SLC12A5: variants seen among roughly 807,000 people sequenced by gnomAD.
SLC12A5 encodes the protein solute carrier family 12 member 5.
A neutral mutation model predicts 124.0 loss-of-function variants in SLC12A5; 18 were observed. That is an observed-to-expected ratio of 0.15 (90% CI 0.10 to 0.22). The LOEUF (loss-of-function observed/expected upper bound fraction) is 0.22. SLC12A5 is among the 10% of genes least tolerant of loss of function. The probability of loss-of-function intolerance (pLI) is 1.00; values close to 1 mark genes in which losing one functional copy is unlikely to be tolerated. For missense variants in SLC12A5, 867 were observed against 1,478.7 expected, an observed-to-expected ratio of 0.59 and a Z score of 6.78; for synonymous variants, 589 against 568.0, an observed-to-expected ratio of 1.04 and a Z score of -0.53.
chr20:46,047,725 T>G (rs1245034481), intron 15 of SLC12A5, 152 bp downstream of exon 15: 2 of 993,370 alleles, frequency 2.0e-6, no homozygotes, highest in East Asian at 5.2e-5. Flanking sequence ...GAGGGTGATA[T>G]GGGATGACAT....
In SLC12A5 at chr20:46,049,673, C is replaced by A; in HGVS notation, c.2064C>A (p.His688Gln). Residue 688 changes from histidine to glutamine, a missense_variant, in exon 17 of 26, where the codon CAC (histidine) becomes CAA (glutamine). Physicochemically the swap from His to Gln is conservative, Grantham distance 24 (BLOSUM62 0). Coordinates refer to ENST00000243964, the MANE Select transcript of SLC12A5 (RefSeq NM_020708.5). Reference sequence around the variant, plus strand: ...TGGACCAAGACCAGAATGTGGTGCACCCCCAGCTGCTCTCACTGACCTCCC... The same window carrying A: ...TGGACCAAGACCAGAATGTGGTGCAACCCCAGCTGCTCTCACTGACCTCCC... ...VRVDQDQNVV[H>Q]PQLLSLTSQL... 1 of 1,605,916 alleles carries A rather than the reference C, an allele frequency of 6.2e-7. No individual in the cohort carries two copies. Among genetic ancestry groups the A allele is most frequent in the South Asian group, 1.1e-5 (1 of 89,054 alleles).
At position 46,059,660 on chromosome 20, in the gene SLC12A5, CAA is replaced by C. The variant is rs984192887; in HGVS notation, c.*2056_*2057del. 5.0e-5 allele frequency: 20 copies of C among 399,048 alleles called. No homozygotes were observed. The highest frequency in any genetic ancestry group is 2.3e-4 in the African/African-American group (11 of 48,746). 24.7% of individuals were successfully genotyped at this position (399,048 alleles called of 1,614,324 possible). A position where few individuals can be genotyped will look rare whatever the true frequency, so the allele number is the denominator to read the frequency against. On this transcript the variant is annotated 3_prime_UTR_variant, in exon 26 of 26. Transcript: ENST00000243964. ...AAACAGACATCCCACAACAAAAACC[CAA>C]GTTTTCTGTGCTACATGTGCAATAT...
chr20:46,056,017 A>T lies in SLC12A5; in HGVS notation c.2788-133A>T. 2 of 1,295,844 alleles carry T rather than the reference A, an allele frequency of 1.5e-6. No individual in the cohort carries two copies. Among genetic ancestry groups the T allele is most frequent in the Non-Finnish European group, 2.1e-6 (2 of 948,274 alleles). 80.3% of individuals were successfully genotyped at this position (1,295,844 alleles called of 1,614,324 possible). On this transcript the variant is annotated intron_variant, in intron 21 of 25. Coordinates refer to ENST00000243964, the MANE Select transcript of SLC12A5 (RefSeq NM_020708.5). This position sits in a 1 kb window ranked among gnomAD's most constrained non-coding sequence, Gnocchi z 4.3. ...TGCAGTAGCTATTTGGTCTCAAATC[A>T]TAGCAATATTTTAACAACTGGTACA...
Position 46,058,568 on chromosome 20 carries a change from G to A in SLC12A5, c.*963G>A. The A allele has an allele frequency of 2.5e-6, 1 of 399,182 alleles. No individual in the cohort carries two copies. The highest frequency in any genetic ancestry group is 4.4e-6 in the Non-Finnish European group (1 of 226,190). 24.7% of individuals were successfully genotyped at this position (399,182 alleles called of 1,614,324 possible). Reference sequence around the variant, plus strand: ...GCTCCTCAAGAGGAAGAAACCGAGAGGCCCGCGCCCCACCGAGGAAGCCCC... The same window carrying A: ...GCTCCTCAAGAGGAAGAAACCGAGAAGCCCGCGCCCCACCGAGGAAGCCCC... On this transcript the variant is annotated 3_prime_UTR_variant, in exon 26 of 26. Transcript: ENST00000243964. This position sits in a 1 kb window ranked among gnomAD's most constrained non-coding sequence, Gnocchi z 5.8.
At chr20:46,040,856 A>G in intron 7 of SLC12A5, 1 of 583,174 alleles carries the variant, frequency 1.7e-6, no homozygotes, top group Non-Finnish European at 2.9e-6. Flanking sequence ...GGTAGGGTGG[A>G]CTTAGGAAGA....
In SLC12A5 at chr20:46,046,452, C is replaced by T; in HGVS notation, c.1787+16C>T. ...ATTACCACTGGTGGGTGCTCTGTCC[C>T]CACACTTCCACTGAGCCACTTGCTC... On this transcript the variant is annotated intron_variant, in intron 14 of 25. Coordinates refer to ENST00000243964, the MANE Select transcript of SLC12A5 (RefSeq NM_020708.5). 6.2e-7 allele frequency: 1 copy of T among 1,608,770 alleles called. No homozygotes were observed. The highest frequency in any genetic ancestry group is 8.5e-7 in the Non-Finnish European group (1 of 1,175,248).
intron 4 of SLC12A5, 92 bp from the exon 5 acceptor site, chr20:46,036,649 G>A: frequency 7.3e-7 from 1 of 1,362,792 alleles, no homozygotes; most frequent in South Asian, 1.2e-5. Flanking sequence ...CTGTGGGTTT[G>A]GCTGGTGTTT....
At chr20:46,025,581 G>A (rs971728279), upstream of SLC12A5, among the ~76,000 whole-genome samples, 6 of 152,118 alleles carry the variant, frequency 3.9e-5, no homozygotes, top group African/African-American at 7.2e-5. Flanking sequence ...AAAGGGGTCC[G>A]GATTGGGAAA....
At chr20:46,049,988 C>T (rs2084634046) in intron 17 of SLC12A5, among the ~76,000 whole-genome samples, 198 bp downstream of exon 17, 1 of 152,252 alleles carries the variant, frequency 6.6e-6, no homozygotes, top group South Asian at 2.1e-4. Flanking sequence ...GAAAGACCAT[C>T]AGAGGCAGAA....
At chr20:46,022,595 G>T in intron 1 of SLC12A5, 1 of 375,330 alleles carries the variant, frequency 2.7e-6, no homozygotes, top group East Asian at 3.8e-5. Context: ...ATGGATCCTG[G>T]GCAGCGAGAT....
At chr20:46,025,551 C>CG (rs1167792924), upstream of SLC12A5, among the ~76,000 whole-genome samples, 34 of 151,868 alleles carry the variant, frequency 2.2e-4, no homozygotes, top group Non-Finnish European at 1.5e-5. Flanking sequence ...GGGTGGGGAT[C>CG]GGGGGGTGAG....
intron 18 of SLC12A5, among the ~76,000 whole-genome samples, chr20:46,052,566 G>GCT (rs1429591784): frequency 6.6e-6 from 1 of 152,252 alleles, no homozygotes; most frequent in African/African-American, 2.4e-5. Flanking sequence ...AAAGTGGGGA[G>GCT]CCAGGTTTTG....
At chr20:46,023,375 C>A (rs1294201137) in exon 3 of SLC12A5, 2 of 398,484 alleles carry the variant, frequency 5.0e-6, no homozygotes, top group East Asian at 7.1e-5. Flanking sequence ...CCAGCAAATC[C>A]AACTGATCCC....
upstream of SLC12A5, among the ~76,000 whole-genome samples, chr20:46,028,825 C>G (rs1198448957): frequency 6.6e-6 from 1 of 152,178 alleles, no homozygotes; most frequent in African/African-American, 2.4e-5. Context: ...GTCAAGCAGC[C>G]GCTGCGGGGC....
chr20:46,056,361 T>A lies in SLC12A5; in HGVS notation c.2911-4T>A. 2 of 1,609,592 alleles carry A rather than the reference T, an allele frequency of 1.2e-6. No homozygotes were observed. Among genetic ancestry groups the A allele is most frequent in the Non-Finnish European group, 1.7e-6 (2 of 1,177,462 alleles). ...CAACTGCCATCGCTTCATTCATCCC[T>A]CAGGTGCAGCTGATCCACGATCAGA... On this transcript the variant is annotated splice_region_variant and splice_polypyrimidine_tract_variant and intron_variant, in intron 22 of 25. Transcript: ENST00000243964. The surrounding 1 kb of genome is among the most constrained non-coding windows in gnomAD (Gnocchi z 4.3).
At chr20:46,052,664 G>A (rs2084656286) in intron 18 of SLC12A5, among the ~76,000 whole-genome samples, 3 of 152,242 alleles carry the variant, frequency 2.0e-5, no homozygotes, top group Admixed American at 2.0e-4. Context: ...GGAGGATTCA[G>A]TGTGGTCATA....
rs2084706784 is a variant in SLC12A5, at chr20:46,057,442, T to C, written c.3260-72T>C. 3.1e-6 allele frequency: 5 copies of C among 1,602,694 alleles called. No individual in the cohort carries two copies. In the South Asian group the frequency reaches 3.3e-5, roughly 11 times the overall value. On this transcript the variant is annotated intron_variant, in intron 25 of 25. Transcript: ENST00000243964. The surrounding 1 kb of genome is among the most constrained non-coding windows in gnomAD (Gnocchi z 7.1). ...AGGGACACGGGCGCGAGAGGTCCCC[T>C]GGCAGCCGAGCGCGACCCCAATTTC... is the stretch of plus-strand genomic sequence containing the variant.
rs551631701 is a variant in SLC12A5, at chr20:46,045,861, G to A, written c.1570-17G>A. On this transcript the variant is annotated splice_polypyrimidine_tract_variant and intron_variant, in intron 12 of 25. Transcript: ENST00000243964. This position sits in a 1 kb window ranked among gnomAD's most constrained non-coding sequence, Gnocchi z 4.9. ...ATCCTTGAGGTCTCAGTCCCATGAT[G>A]ATTGCTCTTTCCCCAGGTCTTTGGC... 2 of 1,609,990 alleles carry A rather than the reference G, an allele frequency of 1.2e-6. No homozygotes were observed. The highest frequency in any genetic ancestry group is 3.3e-5 in the Admixed American group (2 of 59,974).
intron 4 of SLC12A5, 72 bp downstream of exon 4, chr20:46,035,995 G>A: frequency 6.6e-7 from 1 of 1,526,212 alleles, no homozygotes; most frequent in Admixed American, 2.0e-5. Context: ...TGGGAGGTGG[G>A]AGGATGGAAG....
Sources: gnomAD v4.1 joint callset for allele counts (sites outside exome capture counted in the v4.1 genomes callset) on GRCh38, gnomAD v4.1.1 for gene constraint, Gnocchi (gnomAD v3.1) non-coding constraint, MANE v1.5 for transcripts, NCBI Gene and HGNC (gene_info 2026-07-23, HGNC 2026-07-21) for gene names.